Variants in RICTOR observed in about 807,000 individuals in gnomAD.
RICTOR encodes the protein RPTOR independent companion of MTOR complex 2.
Under a neutral mutation model 214.9 loss-of-function variants are expected in RICTOR, and 49 were observed. That is an observed-to-expected ratio of 0.23 (90% confidence interval 0.18 to 0.29). The LOEUF is 0.29. Among genes scored for constraint, RICTOR ranks in the 10% least tolerant of loss-of-function variants. The pLI is 1.00. For synonymous variants in RICTOR, 717 were observed against 711.3 expected (o/e 1.01, Z -0.13); for missense variants, 1,625 against 2,047.0 (o/e 0.79, Z 3.98).
At chr5:39,003,646 T>C in intron 3 of RICTOR, 24 bp from the exon 4 acceptor site, 1 of 1,486,930 alleles carries the variant, frequency 6.7e-7, no homozygotes, top group Non-Finnish European at 9.4e-7. Context: ...AAAATAAGTG[T>C]GCATTTATGT....
At chr5:38,958,604 A>G in intron 23 of RICTOR, 63 bp downstream of exon 23, 2 of 1,515,364 alleles carry the variant, frequency 1.3e-6, no homozygotes, top group Non-Finnish European at 9.0e-7. Context: ...ATACTTTTAC[A>G]TAATTGTCAA....
intron 22 of RICTOR, among the ~76,000 whole-genome samples, 169 bp downstream of exon 22, chr5:38,959,026 C>A (rs1156473800): frequency 6.6e-6 from 1 of 151,772 alleles, no homozygotes; most frequent in Non-Finnish European, 1.5e-5. Flanking sequence ...CTTCTTCCCC[C>A]GATACAAAAA....
Position 38,962,599 on chromosome 5 carries a change from G to T in RICTOR, c.1567-13C>A. On this transcript the variant is annotated splice_polypyrimidine_tract_variant and intron_variant, in intron 17 of 37. Coordinates refer to ENST00000357387, the MANE Select transcript of RICTOR (RefSeq NM_152756.5). ...CTTCCTCTGTATCCTAAAATCATCA[G>T]AAAGTAATAAGAAAAATTAAGGCAA... 1 of 1,394,116 alleles carries T rather than the reference G, an allele frequency of 7.2e-7. No homozygotes were observed. The highest frequency in any genetic ancestry group is 9.9e-7 in the Non-Finnish European group (1 of 1,010,140). 86.4% of individuals were successfully genotyped at this position (1,394,116 alleles called of 1,614,324 possible).
chr5:38,953,090 C>A lies in RICTOR; in HGVS notation c.2792G>T (p.Gly931Val). 6.3e-7 allele frequency: 1 copy of A among 1,590,926 alleles called. No homozygotes were observed. The highest frequency in any genetic ancestry group is 8.6e-7 in the Non-Finnish European group (1 of 1,161,384). The change falls in exon 29 of 38, where the codon GGA becomes GTA. Residue 931 changes from glycine (G) to valine (V), a missense_variant and splice_region_variant. By Grantham distance (109) the Gly-to-Val change is moderately radical. Transcript: ENST00000357387. The stretch of plus-strand genomic sequence containing the variant: ...ACCCCAATTTGATGAGCCGATATTT[C>A]CCTGAAAGAAAAGAAATCACTTACA... ...KKLKASLWAL[G>V]NIGSSNWGLN...
intron 2 of RICTOR, among the ~76,000 whole-genome samples, chr5:39,032,519 A>T (rs1197812527): frequency 6.6e-6 from 1 of 152,212 alleles, no homozygotes; most frequent in Non-Finnish European, 1.5e-5. Flanking sequence ...AAGTCATCAC[A>T]TCATGCTAAC....
Position 39,002,549 on chromosome 5 carries a change from G to T in RICTOR, c.378C>A (p.Asp126Glu). ...ILQKVLKLKV[D>E]YLIARCIDIQ... The stretch of plus-strand genomic sequence containing the variant: ...AGGAAATTTACCTAGCTATTAAATA[G>T]TCCACTTTCAATTTTAGCACCTTCT... The change falls in exon 5 of 38, where the codon GAC becomes GAA. Residue 126 changes from aspartate to glutamate, a missense_variant. Physicochemically the swap from Asp to Glu is conservative, Grantham distance 45. Coordinates refer to ENST00000357387, the MANE Select transcript of RICTOR (RefSeq NM_152756.5). The T allele has an allele frequency of 6.2e-7, 1 of 1,606,466 alleles. No individual in the cohort carries two copies. The highest frequency in any genetic ancestry group is 8.5e-7 in the Non-Finnish European group (1 of 1,175,876).
intron 28 of RICTOR, 152 bp downstream of exon 28, chr5:38,953,309 G>T (rs1748953950): frequency 3.6e-6 from 2 of 561,634 alleles, no homozygotes; most frequent in East Asian, 3.0e-5. Flanking sequence ...TCAACATAGA[G>T]ATAATACACT....
At chr5:39,020,352 A>T (rs1380284506) in intron 3 of RICTOR, among the ~76,000 whole-genome samples, 3 of 152,162 alleles carry the variant, frequency 2.0e-5, no homozygotes, top group African/African-American at 7.2e-5. Context: ...CAATGCGGCA[A>T]ACTTCATTGC....
intron 6 of RICTOR, among the ~76,000 whole-genome samples, chr5:38,993,986 T>C (rs1752972947): frequency 6.6e-6 from 1 of 152,000 alleles, no homozygotes; most frequent in African/African-American, 2.4e-5. Context: ...ATCAAGACCA[T>C]CCTGGTTAAC....
intron 3 of RICTOR, among the ~76,000 whole-genome samples, chr5:39,017,609 C>A (rs1334344893): frequency 6.6e-6 from 1 of 151,772 alleles, no homozygotes; most frequent in African/African-American, 2.4e-5. Context: ...TATTAAAAAA[C>A]AGCCAGAGTA....
At chr5:38,970,304 C>G (rs1008844189) in intron 11 of RICTOR, 1 of 152,332 alleles carries the variant, frequency 6.6e-6, no homozygotes, top group South Asian at 2.1e-4. Context: ...TAAATGCTTA[C>G]TACTACATAC....
At chr5:38,960,059 AACTT>A in intron 20 of RICTOR, 81 bp from the exon 21 acceptor site, 1 of 972,576 alleles carries the variant, frequency 1.0e-6, no homozygotes, top group African/African-American at 1.6e-5. Flanking sequence ...CAAGTACAAA[AACTT>A]ACTAATAATG....
At chr5:39,069,708 G>A (rs540183916) in intron 2 of RICTOR, among the ~76,000 whole-genome samples, 4 of 152,146 alleles carry the variant, frequency 2.6e-5, no homozygotes, top group South Asian at 4.2e-4. Flanking sequence ...TGTAGCCAAC[G>A]CCATGGTCCA....
At chr5:38,996,613 AC>A (rs1339865055) in intron 6 of RICTOR, among the ~76,000 whole-genome samples, 1 of 152,204 alleles carries the variant, frequency 6.6e-6, no homozygotes, top group East Asian at 1.9e-4. Context: ...ATATTGCCCT[AC>A]CTATACCCAA....
At chr5:38,983,814 A>G (rs1257080914) in intron 7 of RICTOR, among the ~76,000 whole-genome samples, 1 of 151,958 alleles carries the variant, frequency 6.6e-6, no homozygotes, top group Non-Finnish European at 1.5e-5. Context: ...TACAAAAAAA[A>G]ATTAGCTGGG....
chr5:38,966,926 G>T (rs1358582162), intron 14 of RICTOR: 2 of 591,898 alleles, frequency 3.4e-6, no homozygotes, highest in East Asian at 5.6e-5. Context: ...TCAGCCTCCT[G>T]AGTAGCTGGG....
chr5:38,964,183 C>T (rs931565160), intron 16 of RICTOR, among the ~76,000 whole-genome samples: 2 of 151,752 alleles, frequency 1.3e-5, no homozygotes, highest in Admixed American at 6.6e-5. Context: ...ATAATCTTTG[C>T]CAAGTCAAAC....
At chr5:38,997,732 G>A (rs1753281887) in intron 5 of RICTOR, among the ~76,000 whole-genome samples, 1 of 152,098 alleles carries the variant, frequency 6.6e-6, no homozygotes, top group Non-Finnish European at 1.5e-5. Flanking sequence ...GAAGCACAGG[G>A]AGCTCCACAT....
At chr5:39,039,798 A>T (rs1757029937) in intron 2 of RICTOR, among the ~76,000 whole-genome samples, 1 of 152,216 alleles carries the variant, frequency 6.6e-6, no homozygotes, top group African/African-American at 2.4e-5. Flanking sequence ...AATGGCAATC[A>T]TTAAAAAGTC....
Sources: gnomAD v4.1 joint callset for allele counts (sites outside exome capture counted in the v4.1 genomes callset) on GRCh38, gnomAD v4.1.1 for gene constraint, MANE v1.5 for transcripts, NCBI Gene and HGNC (gene_info 2026-07-23, HGNC 2026-07-21) for gene names.